The following FANCB variants were observed in gnomAD, a reference collection of about 807,000 sequenced individuals.
FANCB encodes the protein Fanconi anemia group B protein.
Under a neutral mutation model 38.9 loss-of-function variants are expected in FANCB, and 5 were observed. The observed-to-expected ratio is 0.13, with a 90% CI of 0.07 to 0.27. The LOEUF (loss-of-function observed/expected upper bound fraction) is 0.27. FANCB is among the 10% of genes least tolerant of loss of function. The pLI is 1.00. For synonymous variants in FANCB, 236 were observed against 215.4 expected, an observed-to-expected ratio of 1.10 and a Z score of -0.84; for missense variants, 573 against 602.7, an observed-to-expected ratio of 0.95 and a Z score of 0.52.
the FANCB span, among the ~76,000 whole-genome samples, chrX:14,809,288 G>C: frequency 8.9e-6 from 1 of 112,561 alleles, no homozygotes; most frequent in Admixed American, 9.3e-5. Context: ...TCCATCTGAG[G>C]TACGGGGTTC....
At chrX:14,798,701 G>A in the FANCB span, among the ~76,000 whole-genome samples, 3 of 112,101 alleles carry the variant, frequency 2.7e-5, no homozygotes, top group Non-Finnish European at 5.6e-5. Flanking sequence ...GATAATTCAT[G>A]ACAGAACGTG....
chrX:14,697,312 A>C, the FANCB span, among the ~76,000 whole-genome samples: 1 of 111,962 alleles, frequency 8.9e-6, no homozygotes, highest in Admixed American at 9.5e-5. Flanking sequence ...CATTTTAAAC[A>C]AAATGTTTTT....
chrX:14,761,091 C>G, the FANCB span, among the ~76,000 whole-genome samples: 1 of 111,878 alleles, frequency 8.9e-6, no homozygotes, highest in Non-Finnish European at 1.9e-5. Flanking sequence ...ATAAATAGAA[C>G]AAAAACGTAG....
At chrX:14,769,042 G>A in the FANCB span, among the ~76,000 whole-genome samples, 1 of 111,257 alleles carries the variant, frequency 9.0e-6, no homozygotes, top group Non-Finnish European at 1.9e-5. Flanking sequence ...TTTTTGACCT[G>A]CTGCTGGACT....
At chrX:14,696,896 A>AGCC in the FANCB span, among the ~76,000 whole-genome samples, 1 of 112,168 alleles carries the variant, frequency 8.9e-6, no homozygotes, top group Non-Finnish European at 1.9e-5. Flanking sequence ...TTCAGAACAT[A>AGCC]ATGTTTTATT....
At chrX:14,749,454 G>T in the FANCB span, among the ~76,000 whole-genome samples, 50 of 111,113 alleles carry the variant, frequency 4.5e-4, no homozygotes, top group African/African-American at 1.5e-3. Flanking sequence ...TGACCATATT[G>T]GCTGCCAGAT....
At chrX:14,870,973 G>T (rs1468536709) in intron 1 of FANCB, among the ~76,000 whole-genome samples, 1 of 111,723 alleles carries the variant, frequency 9.0e-6, no homozygotes, top group Non-Finnish European at 1.9e-5. Context: ...CAAGACATAT[G>T]ACATTGTTAA....
the FANCB span, chrX:14,730,547 A>C: frequency 1.1e-5 from 6 of 535,274 alleles, no homozygotes; most frequent in East Asian, 4.6e-4. Flanking sequence ...TACACAGTGA[A>C]ATTGTCTTTA....
chrX:14,816,627 C>T, the FANCB span, among the ~76,000 whole-genome samples: 17 of 112,013 alleles, frequency 1.5e-4, no homozygotes, highest in African/African-American at 4.2e-4. Flanking sequence ...GCCTTTCTGG[C>T]CTCTACCCAC....
At chrX:14,722,967 G>T in the FANCB span, among the ~76,000 whole-genome samples, 1 of 112,688 alleles carries the variant, frequency 8.9e-6, no homozygotes, top group African/African-American at 3.2e-5. Flanking sequence ...GTATTTAAAA[G>T]AATAATTTTA....
the FANCB span, among the ~76,000 whole-genome samples, chrX:14,735,642 C>T: frequency 1.1e-4 from 12 of 111,729 alleles, no homozygotes; most frequent in East Asian, 2.8e-4. Flanking sequence ...AGATGCCAGC[C>T]GGAGCTCTCC....
chrX:14,767,621 C>T, the FANCB span, among the ~76,000 whole-genome samples: 2 of 111,151 alleles, frequency 1.8e-5, no homozygotes, highest in African/African-American at 6.5e-5. Flanking sequence ...AAATTTTCTC[C>T]CACTCTGTAG....
At chrX:14,781,204 C>T in the FANCB span, among the ~76,000 whole-genome samples, 2 of 105,947 alleles carry the variant, frequency 1.9e-5, no homozygotes, top group East Asian at 2.8e-4. Context: ...CTCAGGTGGG[C>T]GGATCACTTG....
chrX:14,744,261 T>C, the FANCB span, among the ~76,000 whole-genome samples: 1 of 112,153 alleles, frequency 8.9e-6, no homozygotes, highest in Non-Finnish European at 1.9e-5. Context: ...AAATGCTCTA[T>C]GCCTTGGAGT....
chrX:14,772,503 G>GC, the FANCB span, among the ~76,000 whole-genome samples: 1 of 112,284 alleles, frequency 8.9e-6, no homozygotes, highest in South Asian at 3.7e-4. Context: ...GGTGGCAGCT[G>GC]CCCCTCCTCC....
chrX:14,715,404 T>C, the FANCB span, among the ~76,000 whole-genome samples: 1 of 112,467 alleles, frequency 8.9e-6, no homozygotes, highest in Non-Finnish European at 1.9e-5. Flanking sequence ...CTTTACTTTA[T>C]ACATATATGC....
At chrX:14,703,736 A>G in the FANCB span, among the ~76,000 whole-genome samples, 1 of 111,719 alleles carries the variant, frequency 9.0e-6, no homozygotes, top group African/African-American at 3.3e-5. Flanking sequence ...GTGGCCCTCA[A>G]CCAATGAGAA....
At chrX:14,715,969 AATT>A in the FANCB span, among the ~76,000 whole-genome samples, 2 of 111,847 alleles carry the variant, frequency 1.8e-5, no homozygotes, top group Non-Finnish European at 3.8e-5. Context: ...CTTGTTTAAA[AATT>A]ATTATGAATG....
At chrX:14,741,216 A>G in the FANCB span, among the ~76,000 whole-genome samples, 1 of 111,811 alleles carries the variant, frequency 8.9e-6, no homozygotes, top group East Asian at 2.8e-4. Context: ...AATCACTGTC[A>G]AAACTTAAGT....
Sources: allele counts gnomAD v4.1 joint callset (sites outside exome capture counted in the v4.1 genomes callset), GRCh38; gene constraint gnomAD v4.1.1; transcripts MANE v1.5; gene names NCBI Gene and HGNC (gene_info 2026-07-23, HGNC 2026-07-21).